ADCY2: variants seen among roughly 807,000 people sequenced by gnomAD.
The protein encoded by ADCY2 is adenylate cyclase type 2.
A neutral mutation model predicts 125.2 loss-of-function variants in ADCY2; 31 were observed. The ratio of observed to expected loss-of-function variants is 0.25; its 90% CI spans 0.19 to 0.33. ADCY2 has a LOEUF of 0.33. Among genes scored for constraint, ADCY2 ranks in the 10% least tolerant of loss-of-function variants. The pLI, the probability that ADCY2 is intolerant of heterozygous loss-of-function variation, is 1.00. For missense variants in ADCY2, 904 were observed against 1,418.2 expected (o/e 0.64, Z 5.82); for synonymous variants, 512 against 548.4 (o/e 0.93, Z 0.93).
chr5:7,788,536 A>G (rs1563913), intron 19 of ADCY2, among the ~76,000 whole-genome samples: 1 of 152,374 alleles, frequency 6.6e-6, no homozygotes, highest in South Asian at 2.1e-4. Context: ...ATGCCTTGCT[A>G]TATGAGATAA....
intron 22 of ADCY2, among the ~76,000 whole-genome samples, chr5:7,812,000 G>T (rs1020789574): frequency 9.2e-5 from 14 of 152,190 alleles, no homozygotes; most frequent in Non-Finnish European, 1.5e-4. Flanking sequence ...GTCTGGGAGT[G>T]AACCGGGAGT....
intron 2 of ADCY2, among the ~76,000 whole-genome samples, chr5:7,442,519 G>A (rs1423460200): frequency 2.0e-5 from 3 of 152,092 alleles, no homozygotes; most frequent in African/African-American, 4.8e-5. Flanking sequence ...GAGAGATAGC[G>A]TGTCTTTCTG....
At chr5:7,589,516 A>AAAAAG (rs1579605223) in intron 3 of ADCY2, among the ~76,000 whole-genome samples, 14 of 103,270 alleles carry the variant, frequency 1.4e-4, no homozygotes, top group South Asian at 6.9e-4. Context: ...GAAAGAAAAG[A>AAAAAG]AAAGAAAGAG....
intron 12 of ADCY2, among the ~76,000 whole-genome samples, chr5:7,721,028 T>A (rs1741740926): frequency 6.6e-6 from 1 of 152,198 alleles, no homozygotes; most frequent in African/African-American, 2.4e-5. Flanking sequence ...GTAAGAGTGT[T>A]CCTATTTCTC....
At chr5:7,541,364 A>T (rs751446316) in intron 3 of ADCY2, among the ~76,000 whole-genome samples, 1 of 152,228 alleles carries the variant, frequency 6.6e-6, no homozygotes, top group African/African-American at 2.4e-5. Context: ...CAGAATACAC[A>T]TCCTTTCCCA....
intron 2 of ADCY2, among the ~76,000 whole-genome samples, chr5:7,463,648 C>T (rs1008298023): frequency 1.7e-4 from 25 of 150,068 alleles, no homozygotes; most frequent in Admixed American, 1.6e-3. Context: ...AGAATGAGAT[C>T]GTCCTGAAAA....
rs140836354 is a variant in ADCY2 at position 7,661,484 on chromosome 5, A to G, written c.721-29207A>G. On this transcript the variant is annotated intron_variant, in intron 4 of 24. Coordinates refer to ENST00000338316, the MANE Select transcript of ADCY2 (RefSeq NM_020546.3). ...TAATTATATTAAATGCAAGTGGATT[A>G]AACTCCCAATCAAAAGGTATGTTTA... Among the ~76,000 whole-genome samples, 30 of 152,352 alleles carry G rather than the reference A, an allele frequency of 2.0e-4. 1 individual carries two copies. The East Asian group carries it at 5.6e-3, about 28-fold the overall frequency.
At chr5:7,649,160 G>C (rs1341435862) in intron 4 of ADCY2, among the ~76,000 whole-genome samples, 1 of 152,220 alleles carries the variant, frequency 6.6e-6, no homozygotes, top group African/African-American at 2.4e-5. Flanking sequence ...TAACAACTGA[G>C]TAAAATGCTT....
At chr5:7,402,000 G>T (rs1431013388) in intron 1 of ADCY2, among the ~76,000 whole-genome samples, 2 of 152,154 alleles carry the variant, frequency 1.3e-5, no homozygotes, top group Non-Finnish European at 2.9e-5. Context: ...ACCTGGGTTG[G>T]GGGTGCAAGC....
chr5:7,655,644 T>C (rs1485270751), intron 4 of ADCY2, among the ~76,000 whole-genome samples: 1 of 152,200 alleles, frequency 6.6e-6, no homozygotes, highest in Non-Finnish European at 1.5e-5. Context: ...GCCAGTCTCA[T>C]CTGCAGACAC....
At chr5:7,414,876 G>A in intron 2 of ADCY2, 106 bp downstream of exon 2, 1 of 894,702 alleles carries the variant, frequency 1.1e-6, no homozygotes, top group Non-Finnish European at 1.6e-6. Flanking sequence ...TCCTATAACT[G>A]AGAGCAGAGT....
intron 19 of ADCY2, among the ~76,000 whole-genome samples, chr5:7,784,810 C>A (rs1055053466): frequency 4.0e-5 from 6 of 151,624 alleles, no homozygotes; most frequent in Non-Finnish European, 8.8e-5. Context: ...CTAGGGCTTT[C>A]ATTTGCATTT....
chr5:7,402,465 A>T (rs1465421291), intron 1 of ADCY2, among the ~76,000 whole-genome samples: 4 of 152,178 alleles, frequency 2.6e-5, no homozygotes, highest in African/African-American at 7.2e-5. Context: ...GCTTCTGCTT[A>T]TACTTCTGTC....
intron 3 of ADCY2, among the ~76,000 whole-genome samples, chr5:7,575,524 CT>C (rs1324769428): frequency 1.3e-5 from 2 of 151,870 alleles, no homozygotes; most frequent in Admixed American, 1.3e-4. Context: ...TTATTGGTTC[CT>C]TTTTTGTTCT....
intron 11 of ADCY2, among the ~76,000 whole-genome samples, chr5:7,715,472 A>G (rs528102712): frequency 2.2e-4 from 33 of 152,254 alleles, no homozygotes; most frequent in Middle Eastern, 3.4e-3. Flanking sequence ...TAAACGTTAA[A>G]TGAAGGGTCT....
intron 3 of ADCY2, among the ~76,000 whole-genome samples, chr5:7,544,113 G>A (rs995011513): frequency 1.3e-5 from 2 of 151,626 alleles, no homozygotes; most frequent in African/African-American, 2.4e-5. Context: ...CCCCACTCTG[G>A]GTTGAGCCCC....
At chr5:7,464,274 C>T (rs565436129) in intron 2 of ADCY2, among the ~76,000 whole-genome samples, 1 of 152,244 alleles carries the variant, frequency 6.6e-6, no homozygotes, top group South Asian at 2.1e-4. Flanking sequence ...AGTTGTCTGA[C>T]TACACTGAGA....
Position 7,765,741 on chromosome 5 carries a change from C to T in ADCY2, c.2095-946C>T, listed in dbSNP as rs187327053. 1.7e-3 allele frequency among the ~76,000 whole-genome samples: 265 copies of T among 152,040 alleles called. 2 individuals carry two copies. Among genetic ancestry groups the T allele is most frequent in the African/African-American group, 6.2e-3 (258 of 41,456 alleles). ...TAAACCTTGAATATGTATGGTTAAC[C>T]CTATGCAGAAAACACAAGCTGTTTA... On this transcript the variant is annotated intron_variant, in intron 16 of 24. Transcript: ENST00000338316.
In ADCY2 at chr5:7,555,109, C is replaced by T. The variant is rs139320652; in HGVS notation, c.570+34210C>T. Among the ~76,000 whole-genome samples, 897 of 152,270 alleles carry T rather than the reference C, an allele frequency of 5.9e-3. 8 individuals carry two copies. The highest frequency in any genetic ancestry group is 0.021 in the African/African-American group (856 of 41,560). On this transcript the variant is annotated intron_variant, in intron 3 of 24. Transcript: ENST00000338316. Reference sequence around the variant, plus strand: ...ATCAATGTCCCTTTCTATATTTGAACTGTTTTAAGATACATCTTGACAATC... The same window carrying T: ...ATCAATGTCCCTTTCTATATTTGAATTGTTTTAAGATACATCTTGACAATC...
Sources: gnomAD v4.1 joint callset for allele counts (sites outside exome capture counted in the v4.1 genomes callset) on GRCh38, gnomAD v4.1.1 for gene constraint, MANE v1.5 for transcripts, NCBI Gene and HGNC (gene_info 2026-07-23, HGNC 2026-07-21) for gene names.